The following SCUBE1 variants were observed in gnomAD, a reference collection of about 807,000 sequenced individuals.
SCUBE1 encodes the protein signal peptide, CUB and EGF-like domain-containing protein 1.
A neutral mutation model predicts 124.4 loss-of-function variants in SCUBE1; 59 were observed. That is an observed-to-expected ratio of 0.47 (90% CI 0.38 to 0.59). SCUBE1 has a LOEUF of 0.59. Ranked by LOEUF, SCUBE1 falls within the 20% of genes least tolerant of loss-of-function variation. The probability of loss-of-function intolerance (pLI) is 0.00; values close to 1 mark genes in which losing one functional copy is unlikely to be tolerated. For missense variants in SCUBE1, 1,150 were observed against 1,371.2 expected, an observed-to-expected ratio of 0.84 and a Z score of 2.55; for synonymous variants, 545 against 550.9, an observed-to-expected ratio of 0.99 and a Z score of 0.15.
chr22:43,341,307 C>T (rs1300966339), intron 1 of SCUBE1, among the ~76,000 whole-genome samples: 7 of 152,214 alleles, frequency 4.6e-5, no homozygotes, highest in African/African-American at 1.7e-4. Flanking sequence ...GGGGAAGTGG[C>T]AACAGAGGGA....
chr22:43,242,941 C>G (rs1451877375), intron 6 of SCUBE1, among the ~76,000 whole-genome samples: 1 of 152,232 alleles, frequency 6.6e-6, no homozygotes, highest in Non-Finnish European at 1.5e-5. Context: ...GGAGAACTTA[C>G]ATTGCCTGTC....
chr22:43,313,715 G>T (rs1346900803), intron 3 of SCUBE1, among the ~76,000 whole-genome samples: 1 of 152,128 alleles, frequency 6.6e-6, no homozygotes, highest in Non-Finnish European at 1.5e-5. Flanking sequence ...ATAGAGTGAG[G>T]GCTTTGCTCC....
At chr22:43,236,916 C>T (rs1557528) in intron 7 of SCUBE1, among the ~76,000 whole-genome samples, 151,198 of 152,348 alleles carry the variant, frequency 0.99, 75,030 homozygotes, top group Middle Eastern at 1. Context: ...CCAGAAAACA[C>T]ACCTGTTCCG....
At position 43,255,214 on chromosome 22, in the gene SCUBE1, C is replaced by A. The variant is rs924732857; in HGVS notation, c.727+3005G>T. On this transcript the variant is annotated intron_variant, in intron 6 of 21. Transcript: ENST00000360835. This position sits in a 1 kb window ranked among gnomAD's most constrained non-coding sequence, Gnocchi z 4.7. ...GGGTTCTTTGCTACAAACACACAAA[C>A]AACGAACAAATGTGTTTGATGGAGG... 6.6e-6 allele frequency among the ~76,000 whole-genome samples: 1 copy of A among 152,202 alleles called. No individual in the cohort carries two copies. The highest frequency in any genetic ancestry group is 6.5e-5 in the Admixed American group (1 of 15,280).
At chr22:43,331,823 C>A (rs1230482053) in intron 2 of SCUBE1, among the ~76,000 whole-genome samples, 2 of 152,124 alleles carry the variant, frequency 1.3e-5, no homozygotes, top group Non-Finnish European at 2.9e-5. Flanking sequence ...GTGGGACTGG[C>A]CTGGTGGCTT....
At chr22:43,248,856 A>G (rs1000671741) in intron 6 of SCUBE1, among the ~76,000 whole-genome samples, 2 of 152,142 alleles carry the variant, frequency 1.3e-5, no homozygotes, top group Non-Finnish European at 2.9e-5. Flanking sequence ...CTGCCTGGGC[A>G]CTGAGGCCCC....
intron 4 of SCUBE1, among the ~76,000 whole-genome samples, chr22:43,273,325 C>T (rs1924363331): frequency 6.6e-6 from 1 of 152,114 alleles, no homozygotes; most frequent in Non-Finnish European, 1.5e-5. Context: ...CCAGTCCTGG[C>T]ACCGGGAACC....
At chr22:43,230,601 A>G (rs936879652) in intron 8 of SCUBE1, among the ~76,000 whole-genome samples, 10 of 152,192 alleles carry the variant, frequency 6.6e-5, no homozygotes, top group African/African-American at 2.4e-4. Context: ...GCCAACAGAG[A>G]AACAAAGTCA....
intron 3 of SCUBE1, among the ~76,000 whole-genome samples, chr22:43,300,445 A>C (rs935946594): frequency 2.0e-5 from 3 of 152,020 alleles, no homozygotes; most frequent in African/African-American, 7.2e-5. Flanking sequence ...AGCGACGCTC[A>C]AGACAGACAC....
At chr22:43,293,383 A>T (rs1300510968) in intron 3 of SCUBE1, among the ~76,000 whole-genome samples, 4 of 152,246 alleles carry the variant, frequency 2.6e-5, no homozygotes, top group Admixed American at 1.3e-4. Context: ...AGCACACCAG[A>T]GTGAAGGCGG....
chr22:43,276,832 C>T (rs748750751), intron 4 of SCUBE1, among the ~76,000 whole-genome samples: 2 of 152,226 alleles, frequency 1.3e-5, no homozygotes, highest in Non-Finnish European at 2.9e-5. Flanking sequence ...AGGGCCTCTG[C>T]TACTTCACTC....
chr22:43,209,122 G>A (rs1921428169), intron 19 of SCUBE1, among the ~76,000 whole-genome samples: 1 of 152,194 alleles, frequency 6.6e-6, no homozygotes, highest in Non-Finnish European at 1.5e-5. Context: ...GCTGACATCC[G>A]TCTACTCATT....
intron 4 of SCUBE1, 34 bp downstream of exon 4, chr22:43,291,012 G>C (rs773799288): frequency 6.5e-7 from 1 of 1,543,364 alleles, no homozygotes. Context: ...CATCCTGGGG[G>C]GGGACATGCC....
At chr22:43,229,039 G>A (rs200810044) in intron 9 of SCUBE1, 33 bp downstream of exon 9, 19 of 1,510,314 alleles carry the variant, frequency 1.3e-5, no homozygotes, top group South Asian at 2.3e-5. Flanking sequence ...CGTGCCTCGG[G>A]GGGGAGGTGG....
intron 3 of SCUBE1, among the ~76,000 whole-genome samples, chr22:43,297,636 G>A (rs1049837340): frequency 7.2e-5 from 11 of 152,238 alleles, no homozygotes; most frequent in African/African-American, 1.7e-4. Context: ...ACCCGCTTCC[G>A]AAAGGCCTCT....
At chr22:43,253,486 TG>T (rs2146701579) in intron 6 of SCUBE1, among the ~76,000 whole-genome samples, 1 of 152,158 alleles carries the variant, frequency 6.6e-6, no homozygotes, top group South Asian at 2.1e-4. Context: ...AGGGGTGGTA[TG>T]GGAGGATTCT....
At chr22:43,319,409 A>G (rs1276371731) in intron 3 of SCUBE1, among the ~76,000 whole-genome samples, 1 of 152,000 alleles carries the variant, frequency 6.6e-6, no homozygotes, top group Admixed American at 6.5e-5. Flanking sequence ...TACTAAAAAT[A>G]CAAAAATTAG....
intron 6 of SCUBE1, among the ~76,000 whole-genome samples, chr22:43,249,016 G>C (rs905638385): frequency 1.3e-5 from 2 of 152,214 alleles, no homozygotes; most frequent in African/African-American, 4.8e-5. Context: ...CCCCAGTCAG[G>C]GGGTGCTGGT....
At position 43,255,636 on chromosome 22, in the gene SCUBE1, C is replaced by A; in HGVS notation, c.727+2583G>T. The A allele has an allele frequency of 1.4e-6, 2 of 1,411,798 alleles. No homozygotes were observed. The highest frequency in any genetic ancestry group is 2.5e-5 in the South Asian group (2 of 81,396). 87.5% of individuals were successfully genotyped at this position (1,411,798 alleles called of 1,614,324 possible). On this transcript the variant is annotated intron_variant, in intron 6 of 21. Transcript: ENST00000360835. This position sits in a 1 kb window ranked among gnomAD's most constrained non-coding sequence, Gnocchi z 4.7. Reference sequence around the variant, plus strand: ...GTGGTTAATGACAGCCCACTTCCCGCGGCCCAAGACAGTCAGCCTCTCGGC... The same window carrying A: ...GTGGTTAATGACAGCCCACTTCCCGAGGCCCAAGACAGTCAGCCTCTCGGC...
Sources: allele counts gnomAD v4.1 joint callset (sites outside exome capture counted in the v4.1 genomes callset), GRCh38; gene constraint gnomAD v4.1.1; non-coding constraint Gnocchi (gnomAD v3.1); transcripts MANE v1.5; gene names NCBI Gene and HGNC (gene_info 2026-07-23, HGNC 2026-07-21).